The following PLEKHM3 variants were observed in gnomAD, a reference collection of about 807,000 sequenced individuals.
PLEKHM3 encodes pleckstrin homology domain containing M3.
In PLEKHM3, 45 loss-of-function variants were observed where a neutral mutation model predicts 81.8. That is an observed-to-expected ratio of 0.55 (90% CI 0.43 to 0.71). The LOEUF (loss-of-function observed/expected upper bound fraction) is 0.71, where lower values mean the gene tolerates loss of function less well. Among genes scored for constraint, PLEKHM3 ranks in the 30% least tolerant of loss-of-function variants. The probability of loss-of-function intolerance (pLI) is 0.00; values close to 1 mark genes in which losing one functional copy is unlikely to be tolerated. For missense variants in PLEKHM3, 788 were observed against 924.3 expected, an observed-to-expected ratio of 0.85 and a Z score of 1.91; for synonymous variants, 352 against 356.4, an observed-to-expected ratio of 0.99 and a Z score of 0.14.
At chr2:207,872,484 G>A (rs776658272) in intron 6 of PLEKHM3, among the ~76,000 whole-genome samples, 4 of 152,080 alleles carry the variant, frequency 2.6e-5, no homozygotes, top group Non-Finnish European at 5.9e-5. Flanking sequence ...CTCAACTAGG[G>A]GAAACTCATA....
chr2:207,943,363 C>G (rs12618319), intron 4 of PLEKHM3, among the ~76,000 whole-genome samples: 30,460 of 152,116 alleles, frequency 0.2, 3,634 homozygotes, highest in Middle Eastern at 0.34. Flanking sequence ...GCCCCTTGCA[C>G]AGAAGGTACA....
intron 6 of PLEKHM3, 44 bp from the exon 7 acceptor site, chr2:207,861,306 C>G (rs1381669340): frequency 6.3e-7 from 1 of 1,592,928 alleles, no homozygotes; most frequent in African/African-American, 1.3e-5. Context: ...TTATTGAGAA[C>G]AGAAGTCTTG....
chr2:207,952,712 G>A (rs1342266815), intron 3 of PLEKHM3, among the ~76,000 whole-genome samples: 1 of 152,170 alleles, frequency 6.6e-6, no homozygotes, highest in Non-Finnish European at 1.5e-5. Context: ...TAGAGGCAAA[G>A]CAAACCTGGG....
intron 2 of PLEKHM3, among the ~76,000 whole-genome samples, chr2:207,985,556 T>A (rs1468080111): frequency 6.6e-6 from 1 of 152,146 alleles, no homozygotes; most frequent in Non-Finnish European, 1.5e-5. Flanking sequence ...CTGTTTGCTA[T>A]GAACCCTTTA....
rs2092228621 is a variant in PLEKHM3 at position 207,823,114 on chromosome 2, C to A, written c.*5205G>T. ...CAGCTTCATTCAAAGTCTGGAACTT[C>A]ATTCAAAGTCTGGAACTTCATTCAA... On this transcript the variant is annotated 3_prime_UTR_variant, in exon 8 of 8. Coordinates refer to ENST00000427836, the MANE Select transcript of PLEKHM3 (RefSeq NM_001080475.3). 1 of 152,040 alleles carries A rather than the reference C, an allele frequency of 6.6e-6. No individual in the cohort carries two copies. Among genetic ancestry groups the A allele is most frequent in the African/African-American group, 2.4e-5 (1 of 41,346 alleles). 9.4% of individuals were successfully genotyped at this position (152,040 alleles called of 1,614,324 possible).
chr2:207,889,169 G>A (rs2105867217), intron 6 of PLEKHM3, among the ~76,000 whole-genome samples: 1 of 152,280 alleles, frequency 6.6e-6, no homozygotes, highest in Admixed American at 6.5e-5. Flanking sequence ...ACATTCAGGA[G>A]GAGCTTGCAG....
At chr2:207,902,459 T>C (rs1270953249) in intron 6 of PLEKHM3, among the ~76,000 whole-genome samples, 2 of 152,232 alleles carry the variant, frequency 1.3e-5, no homozygotes, top group African/African-American at 4.8e-5. Context: ...GACCACTGTT[T>C]GAATTACTTC....
At chr2:207,858,918 C>A (rs2092451387) in intron 7 of PLEKHM3, among the ~76,000 whole-genome samples, 1 of 152,016 alleles carries the variant, frequency 6.6e-6, no homozygotes, top group Admixed American at 6.6e-5. Flanking sequence ...ATTTTCATCA[C>A]CCCAAAAAGA....
chr2:207,846,431 C>T (rs1349559481), intron 7 of PLEKHM3, among the ~76,000 whole-genome samples: 2 of 152,160 alleles, frequency 1.3e-5, no homozygotes, highest in South Asian at 2.1e-4. Context: ...TGAACCACTG[C>T]GCCTGGCCCA....
chr2:207,891,049 C>T (rs1574376535), intron 6 of PLEKHM3, among the ~76,000 whole-genome samples: 1 of 152,082 alleles, frequency 6.6e-6, no homozygotes, highest in African/African-American at 2.4e-5. Context: ...ATTGAGGCTA[C>T]TTAAACTAAA....
chr2:207,904,166 A>G (rs1688529756), intron 6 of PLEKHM3, among the ~76,000 whole-genome samples: 3 of 152,128 alleles, frequency 2.0e-5, no homozygotes, highest in African/African-American at 7.2e-5. Context: ...TACCTCCTCA[A>G]AGAAAGTTTG....
chr2:208,002,153 G>A (rs1692330509), intron 1 of PLEKHM3, among the ~76,000 whole-genome samples, 196 bp from the exon 2 acceptor site: 1 of 152,236 alleles, frequency 6.6e-6, no homozygotes, highest in African/African-American at 2.4e-5. Context: ...ACACGGAGCA[G>A]GGAGGAACAC....
At chr2:207,929,193 C>T (rs2105936872) in intron 5 of PLEKHM3, among the ~76,000 whole-genome samples, 1 of 152,310 alleles carries the variant, frequency 6.6e-6, no homozygotes, top group South Asian at 2.1e-4. Context: ...TGTCTTCATT[C>T]TCATAGCTTT....
intron 2 of PLEKHM3, among the ~76,000 whole-genome samples, chr2:207,986,843 T>TA (rs1691740970): frequency 6.8e-6 from 1 of 147,092 alleles, no homozygotes; most frequent in South Asian, 2.2e-4. Flanking sequence ...AGCTAATTTT[T>TA]TTTTTTTTTT....
chr2:207,852,945 C>G (rs1237441019), intron 7 of PLEKHM3: 2 of 385,998 alleles, frequency 5.2e-6, no homozygotes, highest in Non-Finnish European at 9.9e-6. Context: ...ACATGCACAT[C>G]ACTTCTGTGG....
Position 207,918,140 on chromosome 2 carries a change from T to A in PLEKHM3, c.1887-9563A>T, listed in dbSNP as rs142674120. Among the ~76,000 whole-genome samples, 3 of 152,322 alleles carry A rather than the reference T, an allele frequency of 2.0e-5. No individual in the cohort carries two copies. The East Asian group carries it at 5.8e-4, about 29-fold the overall frequency. On this transcript the variant is annotated intron_variant, in intron 5 of 7. Transcript: ENST00000427836. Reference sequence around the variant, plus strand: ...ATGCCCACACATTAAAACACCATTTTCACTCATTTCATTATGTTTAGACAA... The same window carrying A: ...ATGCCCACACATTAAAACACCATTTACACTCATTTCATTATGTTTAGACAA...
chr2:207,887,991 T>C (rs967642489), intron 6 of PLEKHM3, among the ~76,000 whole-genome samples: 7 of 152,144 alleles, frequency 4.6e-5, no homozygotes, highest in African/African-American at 1.7e-4. Context: ...ATCTGCATTA[T>C]AAAAATATCT....
intron 7 of PLEKHM3, among the ~76,000 whole-genome samples, chr2:207,828,936 A>C (rs2092269149): frequency 6.6e-6 from 1 of 152,216 alleles, no homozygotes; most frequent in Non-Finnish European, 1.5e-5. Context: ...ATCAGTTAAC[A>C]CGAGCTAAGT....
At position 207,827,950 on chromosome 2, in the gene PLEKHM3, C is replaced by G. The variant is rs960800040; in HGVS notation, c.*369G>C. On this transcript the variant is annotated 3_prime_UTR_variant, in exon 8 of 8. Coordinates refer to ENST00000427836, the MANE Select transcript of PLEKHM3 (RefSeq NM_001080475.3). Reference sequence around the variant, plus strand: ...GCACTGTTTTGTGCAGGAAATGCTTCCTTTTGTGTCTTGGGTAATAAAATG... The same window carrying G: ...GCACTGTTTTGTGCAGGAAATGCTTGCTTTTGTGTCTTGGGTAATAAAATG... 1 of 155,352 alleles carries G rather than the reference C, an allele frequency of 6.4e-6. No individual in the cohort carries two copies. The highest frequency in any genetic ancestry group is 1.4e-5 in the Non-Finnish European group (1 of 70,372). 9.6% of individuals were successfully genotyped at this position (155,352 alleles called of 1,614,324 possible).
Sources: allele counts gnomAD v4.1 joint callset (sites outside exome capture counted in the v4.1 genomes callset), GRCh38; gene constraint gnomAD v4.1.1; transcripts MANE v1.5; gene names NCBI Gene and HGNC (gene_info 2026-07-23, HGNC 2026-07-21).